The following RMST variants were observed in gnomAD, a reference collection of about 807,000 sequenced individuals.
RMST encodes the protein rhabdomyosarcoma 2 associated transcript, also known as long intergenic non-protein coding RNA 54.
At chr12:97,515,812 T>C (rs1270720797) in intron 10 of RMST, among the ~76,000 whole-genome samples, 1 of 152,096 alleles carries the variant, frequency 6.6e-6, no homozygotes, top group Non-Finnish European at 1.5e-5. Flanking sequence ...AAATAGCTTC[T>C]GAAAATATAT....
At chr12:97,533,762 T>C (rs552635223) in intron 11 of RMST, 1 of 151,992 alleles carries the variant, frequency 6.6e-6, no homozygotes, top group Admixed American at 6.6e-5. Context: ...TTCTCTTCCT[T>C]CCATATGTAA....
chr12:97,541,914 A>G (rs907295702), intron 11 of RMST, among the ~76,000 whole-genome samples: 7 of 151,942 alleles, frequency 4.6e-5, no homozygotes, highest in African/African-American at 1.4e-4. Flanking sequence ...GCAAGGCACA[A>G]TGTCTTCCAG....
chr12:97,473,389 CT>C (rs1874165188), intron 5 of RMST, among the ~76,000 whole-genome samples: 2 of 152,074 alleles, frequency 1.3e-5, no homozygotes, highest in African/African-American at 4.8e-5. Context: ...GTTTCGAAGG[CT>C]GGGGGCTTGG....
In RMST at chr12:97,471,784, C is replaced by G. The variant is rs181543834; in HGVS notation, n.644+6057C>G. On this transcript the variant is annotated intron_variant and non_coding_transcript_variant, in intron 5 of 13. Transcript: ENST00000640149. ...ATTTGCCATAAGAACGCACAACATG[C>G]AGTTGGAAAGGGAAATATTTAATCA... 8.4e-4 allele frequency among the ~76,000 whole-genome samples: 128 copies of G among 152,222 alleles called. 1 individual carries two copies. The highest frequency in any genetic ancestry group is 3.0e-3 in the African/African-American group (124 of 41,550).
chr12:97,564,064 T>A (rs1172948238), intron 13 of RMST: 1 of 340,610 alleles, frequency 2.9e-6, no homozygotes, highest in African/African-American at 2.1e-5. Context: ...TCTAGGTGGA[T>A]TCATATTCGT....
In RMST at chr12:97,554,312, G is replaced by C. The variant is rs12581039; in HGVS notation, n.1546-6225G>C. ...TAATAGTAATAATACTTCTGGGATT[G>C]TTATTATTATCATTATTAATCGTAT... On this transcript the variant is annotated intron_variant and non_coding_transcript_variant, in intron 11 of 13. Transcript: ENST00000640149. Among the ~76,000 whole-genome samples the C allele has an allele frequency of 3.9e-3, 591 of 152,142 alleles. 20 individuals carry two copies. In the East Asian group the frequency reaches 0.078, roughly 20 times the overall value.
chr12:97,496,951 G>T (rs958301840), intron 10 of RMST, among the ~76,000 whole-genome samples: 3 of 152,170 alleles, frequency 2.0e-5, no homozygotes, highest in African/African-American at 7.2e-5. Flanking sequence ...TGTGTCAGAT[G>T]ACAGTGATAA....
At chr12:97,552,909 C>T (rs1469081969) in intron 11 of RMST, among the ~76,000 whole-genome samples, 1 of 152,164 alleles carries the variant, frequency 6.6e-6, no homozygotes, top group Non-Finnish European at 1.5e-5. Flanking sequence ...AAACTAGGCT[C>T]TCCTCCAGAC....
chr12:97,556,825 A>G (rs1338830821), intron 11 of RMST, among the ~76,000 whole-genome samples: 1 of 152,186 alleles, frequency 6.6e-6, no homozygotes, highest in African/African-American at 2.4e-5. Context: ...TGATCGTCAT[A>G]AGATACTTGA....
At chr12:97,509,652 T>A (rs545483160) in intron 10 of RMST, among the ~76,000 whole-genome samples, 1 of 152,214 alleles carries the variant, frequency 6.6e-6, no homozygotes, top group African/African-American at 2.4e-5. Context: ...CTGAATAAAG[T>A]CAGAATATTC....
intron 5 of RMST, among the ~76,000 whole-genome samples, chr12:97,474,237 T>A (rs1874258805): frequency 6.6e-6 from 1 of 152,114 alleles, no homozygotes; most frequent in African/African-American, 2.4e-5. Flanking sequence ...CACTCCTGGA[T>A]GCGGCCACTC....
chr12:97,516,935 T>G (rs1327488223), intron 10 of RMST, among the ~76,000 whole-genome samples: 2 of 152,052 alleles, frequency 1.3e-5, no homozygotes, highest in Non-Finnish European at 2.9e-5. Context: ...CTATGGGAAG[T>G]AAATACCTAA....
intron 3 of RMST, chr12:97,463,098 A>C (rs1872776051): frequency 6.6e-6 from 1 of 151,058 alleles, no homozygotes; most frequent in South Asian, 2.1e-4. Flanking sequence ...ACACAAGCAC[A>C]CACATACACA....
At chr12:97,489,041 C>G (rs951485396) in intron 5 of RMST, among the ~76,000 whole-genome samples, 25 of 152,112 alleles carry the variant, frequency 1.6e-4, no homozygotes, top group African/African-American at 5.1e-4. Flanking sequence ...TGCATCACTG[C>G]CATCGAGGTC....
At chr12:97,483,653 G>A (rs554838292) in intron 5 of RMST, among the ~76,000 whole-genome samples, 3 of 152,128 alleles carry the variant, frequency 2.0e-5, no homozygotes, top group East Asian at 1.9e-4. Flanking sequence ...TATCTCCTTT[G>A]TTTCTTTAAA....
At chr12:97,534,244 AT>A (rs1592757476) in intron 11 of RMST, among the ~76,000 whole-genome samples, 1 of 151,764 alleles carries the variant, frequency 6.6e-6, no homozygotes, top group African/African-American at 2.4e-5. Context: ...TTGTTTCATG[AT>A]ACTTGTTTTC....
At chr12:97,504,495 C>T (rs187272981) in intron 10 of RMST, among the ~76,000 whole-genome samples, 1 of 150,212 alleles carries the variant, frequency 6.7e-6, no homozygotes, top group African/African-American at 2.4e-5. Flanking sequence ...TCCTAAAATA[C>T]GTTTCTTATT....
intron 9 of RMST, chr12:97,494,985 A>G (rs190791200): frequency 1.4e-4 from 22 of 152,304 alleles, no homozygotes; most frequent in Non-Finnish European, 2.8e-4. Context: ...GTAGAAATCT[A>G]TCATATAAAG....
chr12:97,464,691 A>C (rs1003904131), intron 4 of RMST: 1 of 152,154 alleles, frequency 6.6e-6, no homozygotes, highest in Non-Finnish European at 1.5e-5. Context: ...CTGGAGGCCC[A>C]AGTCCTGTTG....
Sources: gnomAD v4.1 joint callset for allele counts (sites outside exome capture counted in the v4.1 genomes callset) on GRCh38, gnomAD v4.1.1 for gene constraint, MANE v1.5 for transcripts, NCBI Gene and HGNC (gene_info 2026-07-23, HGNC 2026-07-21) for gene names.